EFCAB6: variants seen among roughly 807,000 people sequenced by gnomAD.
EFCAB6 encodes EF-hand calcium-binding domain-containing protein 6.
In EFCAB6, 156 loss-of-function variants were observed where a neutral mutation model predicts 169.8. The observed-to-expected ratio is 0.92, with a 90% confidence interval of 0.81 to 1.05. The LOEUF is 1.05. Among genes scored for constraint, EFCAB6 ranks in the 50% least tolerant of loss-of-function variants. The pLI is 0.00. For synonymous variants in EFCAB6, 698 were observed against 676.4 expected (o/e 1.03, Z -0.50); for missense variants, 1,800 against 1,829.1 (o/e 0.98, Z 0.29).
chr22:43,546,181 CT>C (rs746524680), intron 27 of EFCAB6, among the ~76,000 whole-genome samples: 4 of 152,110 alleles, frequency 2.6e-5, no homozygotes, highest in African/African-American at 9.6e-5. Flanking sequence ...ACAAGTCAGA[CT>C]TTTTTTTCAT....
At chr22:43,610,715 G>T (rs1284445001) in intron 21 of EFCAB6, among the ~76,000 whole-genome samples, 1 of 151,994 alleles carries the variant, frequency 6.6e-6, no homozygotes, top group Non-Finnish European at 1.5e-5. Context: ...ATACTTCATT[G>T]TAGAGTCATA....
At position 43,628,212 on chromosome 22, in the gene EFCAB6, C is replaced by T. The variant is rs569243847; in HGVS notation, c.2233-1533G>A. 4.9e-4 allele frequency among the ~76,000 whole-genome samples: 75 copies of T among 152,268 alleles called. 1 individual carries two copies. The highest frequency in any genetic ancestry group is 1.7e-3 in the African/African-American group (72 of 41,554). ...CCCCACCCTACTCCTCCTAAGTCTT[C>T]CCATCTCAGTAAGTGGAGCTCTTTC... On this transcript the variant is annotated intron_variant, in intron 19 of 31. Coordinates refer to ENST00000262726, the MANE Select transcript of EFCAB6 (RefSeq NM_022785.4). The surrounding 1 kb of genome is among the most constrained non-coding windows in gnomAD (Gnocchi z 4.8).
intron 15 of EFCAB6, among the ~76,000 whole-genome samples, chr22:43,671,206 T>C (rs969995641): frequency 1.3e-5 from 2 of 152,186 alleles, no homozygotes; most frequent in Non-Finnish European, 2.9e-5. Flanking sequence ...TTTTGTTTTT[T>C]GTTTTTTGTT....
At chr22:43,649,056 A>T (rs1284378190) in intron 17 of EFCAB6, among the ~76,000 whole-genome samples, 1 of 152,148 alleles carries the variant, frequency 6.6e-6, no homozygotes, top group Non-Finnish European at 1.5e-5. Context: ...GAGCTTTGGG[A>T]GCTGGGAGAA....
At chr22:43,598,322 A>AAAAAAAC (rs1569223088) in intron 23 of EFCAB6, among the ~76,000 whole-genome samples, 6 of 130,322 alleles carry the variant, frequency 4.6e-5, no homozygotes, top group South Asian at 5.2e-4. Flanking sequence ...AAAAAAAAAA[A>AAAAAAAC]AAAAAAAAAA....
chr22:43,790,020 GA>G (rs1471764531), intron 2 of EFCAB6, among the ~76,000 whole-genome samples: 1 of 152,178 alleles, frequency 6.6e-6, no homozygotes, highest in Non-Finnish European at 1.5e-5. Context: ...TCAATTTGAA[GA>G]ATCACAAAGT....
intron 22 of EFCAB6, 62 bp from the exon 23 acceptor site, chr22:43,600,325 AG>A (rs2052406614): frequency 6.5e-7 from 1 of 1,549,458 alleles, no homozygotes; most frequent in Non-Finnish European, 8.8e-7. Context: ...GCTGATGCTC[AG>A]GGTTTGGAAA....
intron 27 of EFCAB6, among the ~76,000 whole-genome samples, chr22:43,546,553 A>G (rs1287526447): frequency 4.6e-5 from 7 of 152,182 alleles, no homozygotes; most frequent in Non-Finnish European, 7.3e-5. Context: ...CAGAAAAGTT[A>G]CCTTGTGAAA....
In EFCAB6 at chr22:43,555,960, C is replaced by T. The variant is rs778483464; in HGVS notation, c.3421-864G>A. ...TGAGCTAGGAGGGGCCCGCAGAGGGCGGCATCCCACCTTCAGCATCTGCGG... is the reference window on the plus strand; with the variant it reads ...TGAGCTAGGAGGGGCCCGCAGAGGGTGGCATCCCACCTTCAGCATCTGCGG... On this transcript the variant is annotated intron_variant, in intron 26 of 31. Coordinates refer to ENST00000262726, the MANE Select transcript of EFCAB6 (RefSeq NM_022785.4). 1.8e-4 allele frequency among the ~76,000 whole-genome samples: 28 copies of T among 152,328 alleles called. 1 individual carries two copies. Among genetic ancestry groups the T allele is most frequent in the Middle Eastern group, 3.4e-3 (1 of 294 alleles).
chr22:43,637,992 G>A (rs2055538435), intron 17 of EFCAB6, among the ~76,000 whole-genome samples: 1 of 152,192 alleles, frequency 6.6e-6, no homozygotes, highest in South Asian at 2.1e-4. Context: ...AGGGCTGTGA[G>A]GTGCCAGGGA....
chr22:43,669,439 G>T (rs1603101742), intron 15 of EFCAB6, among the ~76,000 whole-genome samples: 1 of 152,166 alleles, frequency 6.6e-6, no homozygotes, highest in Non-Finnish European at 1.5e-5. Flanking sequence ...TCACAAAATT[G>T]TTATGCTTGG....
intron 10 of EFCAB6, among the ~76,000 whole-genome samples, chr22:43,697,743 G>A (rs900503036): frequency 6.6e-6 from 1 of 152,058 alleles, no homozygotes; most frequent in Non-Finnish European, 1.5e-5. Flanking sequence ...TTCCGACATG[G>A]GGAACCAAGT....
rs1227314804 is a variant in EFCAB6 at position 43,772,910 on chromosome 22, A to C, written c.333T>G (p.Phe111Leu). 1.9e-6 allele frequency: 3 copies of C among 1,614,066 alleles called. No homozygotes were observed. In the African/African-American group the frequency reaches 4.0e-5, roughly 22 times the overall value. ...DFLMPLTREQFQDVLAQIPLS... is the reference protein window; with the variant it reads ...DFLMPLTREQLQDVLAQIPLS... The stretch of plus-strand genomic sequence containing the variant: ...ACAGCACCTGAGCCAACACGTCCTG[A>C]AACTGTTCTCGTGTGAGCGGCATCA... Residue 111 changes from phenylalanine to leucine, a missense_variant, in exon 4 of 32, where the codon TTT becomes TTG. Phe to Leu is a conservative substitution (Grantham distance 22, BLOSUM62 0). Transcript: ENST00000262726.
rs1477465082 is a variant in EFCAB6 at position 43,672,009 on chromosome 22, AC to A, written c.1603del (p.Val535SerfsTer6). On this transcript the variant is annotated frameshift_variant, in exon 15 of 32. Transcript: ENST00000262726. LOFTEE classifies it high-confidence loss of function. ...TGCATTCGTTAAAAATGGACAGAAGACGTGCATGATTTTCTTGAAATTATTT... is the reference window on the plus strand; with the variant it reads ...TGCATTCGTTAAAAATGGACAGAAGAGTGCATGATTTTCTTGAAATTATTT... ...GRNNFKKIMH[V>X]FCPFLTNAHF... is the part of the protein sequence containing the mutation. 6.2e-7 allele frequency: 1 copy of A among 1,614,178 alleles called. No individual in the cohort carries two copies. Among genetic ancestry groups the A allele is most frequent in the South Asian group, 1.1e-5 (1 of 91,060 alleles).
At chr22:43,584,509 A>G (rs1048528136) in intron 24 of EFCAB6, among the ~76,000 whole-genome samples, 2 of 152,004 alleles carry the variant, frequency 1.3e-5, no homozygotes, top group African/African-American at 4.8e-5. Context: ...AAGATCTGAG[A>G]AAGATCCCCT....
chr22:43,555,155 T>C, intron 26 of EFCAB6, 59 bp from the exon 27 acceptor site: 1 of 1,571,854 alleles, frequency 6.4e-7, no homozygotes, highest in Non-Finnish European at 8.7e-7. Flanking sequence ...CCTCTTGCTC[T>C]GGGCTCCTCA....
intron 2 of EFCAB6, among the ~76,000 whole-genome samples, chr22:43,804,106 A>C (rs928802986): frequency 6.6e-5 from 10 of 152,248 alleles, no homozygotes; most frequent in Non-Finnish European, 1.5e-4. Flanking sequence ...TCAAAAAAGT[A>C]GAAATCATAT....
intron 7 of EFCAB6, among the ~76,000 whole-genome samples, 156 bp downstream of exon 7, chr22:43,735,701 G>C (rs985828866): frequency 1.3e-5 from 2 of 152,202 alleles, no homozygotes; most frequent in African/African-American, 4.8e-5. Flanking sequence ...AGGAACATGA[G>C]AGAATGTCCA....
rs992422519 is a variant in EFCAB6, at chr22:43,744,817, G to C, written c.508-8824C>G. Among the ~76,000 whole-genome samples the C allele has an allele frequency of 6.6e-6, 1 of 152,164 alleles. No homozygotes were observed. Among genetic ancestry groups the C allele is most frequent in the Non-Finnish European group, 1.5e-5 (1 of 68,032 alleles). On this transcript the variant is annotated intron_variant, in intron 6 of 31. Transcript: ENST00000262726. The surrounding 1 kb of genome is among the most constrained non-coding windows in gnomAD (Gnocchi z 4.3). Reference sequence around the variant, plus strand: ...GCCCTCATCACAGACCCCATGATCTGGGGGAGAGAGGAAGCAGAAAGAAGG... The same window carrying C: ...GCCCTCATCACAGACCCCATGATCTCGGGGAGAGAGGAAGCAGAAAGAAGG...
Sources: gnomAD v4.1 joint callset for allele counts (sites outside exome capture counted in the v4.1 genomes callset) on GRCh38, gnomAD v4.1.1 for gene constraint, Gnocchi (gnomAD v3.1) non-coding constraint, MANE v1.5 for transcripts, NCBI Gene and HGNC (gene_info 2026-07-23, HGNC 2026-07-21) for gene names.